STK24: variants seen among roughly 807,000 people sequenced by gnomAD.
STK24 encodes the protein serine/threonine kinase 24.
In STK24, 21 loss-of-function variants were observed where a neutral mutation model predicts 55.6. That is an observed-to-expected ratio of 0.38 (90% CI 0.27 to 0.54). STK24 has a LOEUF of 0.54. Among genes scored for constraint, STK24 ranks in the 20% least tolerant of loss-of-function variants. STK24 has a pLI of 0.79. For synonymous variants in STK24, 200 were observed against 215.2 expected (o/e 0.93, Z 0.62); for missense variants, 383 against 538.4 (o/e 0.71, Z 2.86).
At chr13:98,535,524 G>A (rs1263535808) in intron 1 of STK24, among the ~76,000 whole-genome samples, 2 of 151,850 alleles carry the variant, frequency 1.3e-5, no homozygotes, top group African/African-American at 4.8e-5. Flanking sequence ...CAAAAGCCAT[G>A]GAAAACATAC....
chr13:98,543,993 T>C (rs1896966470), intron 1 of STK24, among the ~76,000 whole-genome samples: 1 of 152,162 alleles, frequency 6.6e-6, no homozygotes, highest in Non-Finnish European at 1.5e-5. Flanking sequence ...TTTGGAGTCA[T>C]GTTAGTGGAC....
At chr13:98,576,494 CACCCCCACATCCGG>C (rs1056630117) in intron 1 of STK24, among the ~76,000 whole-genome samples, 3 of 152,074 alleles carry the variant, frequency 2.0e-5, no homozygotes, top group African/African-American at 7.2e-5. Flanking sequence ...TAGGCGCCCG[CACCCCCACATCCGG>C]ACCCAGGCCG....
rs1423351375 is a variant in STK24, at chr13:98,452,292, T to C, written c.*881A>G. The C allele has an allele frequency of 6.6e-6, 1 of 152,388 alleles. No homozygotes were observed. Among genetic ancestry groups the C allele is most frequent in the African/African-American group, 2.4e-5 (1 of 41,438 alleles). The allele number at this position is 152,388 out of a possible 1,614,324, so 9.4% of individuals were successfully genotyped here. ...CGGTACATCTGGCGCAGACCAGCAGTGGCACGATTCCAAACAAATGTCAGA... is the reference window on the plus strand; with the variant it reads ...CGGTACATCTGGCGCAGACCAGCAGCGGCACGATTCCAAACAAATGTCAGA... On this transcript the variant is annotated 3_prime_UTR_variant, in exon 11 of 11. Coordinates refer to ENST00000539966, the MANE Select transcript of STK24 (RefSeq NM_001032296.4).
chr13:98,452,514 A>C lies in STK24; in HGVS notation c.*659T>G, dbSNP rs1893248951. 6.6e-6 allele frequency: 1 copy of C among 152,650 alleles called. No homozygotes were observed. The allele number at this position is 152,650 out of a possible 1,614,324, so 9.5% of individuals were successfully genotyped here. A position where few individuals can be genotyped will look rare whatever the true frequency, so the allele number is the denominator to read the frequency against. On this transcript the variant is annotated 3_prime_UTR_variant, in exon 11 of 11. Transcript: ENST00000539966. The stretch of plus-strand genomic sequence containing the variant: ...TACAAATAGGAGTGTTCTGTAAGAG[A>C]GGGGCATTAATTATTAATGACAAAC...
At chr13:98,468,121 T>C (rs1173127634) in intron 5 of STK24, among the ~76,000 whole-genome samples, 1 of 152,206 alleles carries the variant, frequency 6.6e-6, no homozygotes, top group Non-Finnish European at 1.5e-5. Flanking sequence ...ACTTACCATG[T>C]TCCTGCAGCC....
chr13:98,516,096 G>A (rs9517335), intron 2 of STK24, among the ~76,000 whole-genome samples: 38,864 of 152,076 alleles, frequency 0.26, 5,163 homozygotes, highest in Non-Finnish European at 0.3. Context: ...CCCCTTCTGG[G>A]CCAAAGAATT....
At chr13:98,461,714 G>A (rs544355257) in intron 8 of STK24, 60 bp downstream of exon 8, 774 of 1,593,512 alleles carry the variant, frequency 4.9e-4, no homozygotes, top group Non-Finnish European at 6.0e-4. Flanking sequence ...TCACACACAA[G>A]TGCCTCCAAA....
intron 1 of STK24, 114 bp from the exon 2 acceptor site, chr13:98,519,587 T>G: frequency 3.6e-6 from 3 of 840,404 alleles, no homozygotes; most frequent in South Asian, 3.3e-5. Flanking sequence ...GACTCATCTA[T>G]TTTCTGTGTC....
In STK24 at chr13:98,569,538, G is replaced by A. The variant is rs550650270; in HGVS notation, c.42+7207C>T. On this transcript the variant is annotated intron_variant, in intron 1 of 10. Coordinates refer to ENST00000539966, the MANE Select transcript of STK24 (RefSeq NM_001032296.4). ...GTGGCACAAGAAGCATAGAAGATAC[G>A]CAGGTGACGAAAGGCACAGGTGCCA... Among the ~76,000 whole-genome samples, 4 of 152,210 alleles carry A rather than the reference G, an allele frequency of 2.6e-5. No homozygotes were observed. In the East Asian group the frequency reaches 7.7e-4, roughly 29 times the overall value.
chr13:98,502,533 T>C (rs1204160703), intron 2 of STK24, among the ~76,000 whole-genome samples: 1 of 152,198 alleles, frequency 6.6e-6, no homozygotes, highest in East Asian at 1.9e-4. Flanking sequence ...TAAGAGGTAC[T>C]TGGGTCATAA....
rs376894194 is a variant in STK24, at chr13:98,521,740, T to A, written c.43-2267A>T. ...TGAAACATACCCCGTTTTCAGCAGCTACTATCCTCGCTGCTTTCATGCCCT... is the reference window on the plus strand; with the variant it reads ...TGAAACATACCCCGTTTTCAGCAGCAACTATCCTCGCTGCTTTCATGCCCT... On this transcript the variant is annotated intron_variant, in intron 1 of 10. Transcript: ENST00000539966. 21 of 777,766 alleles carry A rather than the reference T, an allele frequency of 2.7e-5. No homozygotes were observed. In the East Asian group the frequency reaches 3.2e-4, roughly 12 times the overall value. 48.2% of individuals were successfully genotyped at this position (777,766 alleles called of 1,614,324 possible).
intron 1 of STK24, among the ~76,000 whole-genome samples, chr13:98,550,323 G>A (rs887676977): frequency 2.0e-5 from 3 of 152,180 alleles, no homozygotes; most frequent in African/African-American, 7.2e-5. Flanking sequence ...AAGATCGCGT[G>A]AGCCCAGGAG....
intron 7 of STK24, among the ~76,000 whole-genome samples, chr13:98,462,613 C>A (rs1359316534): frequency 1.3e-5 from 2 of 152,142 alleles, no homozygotes; most frequent in Non-Finnish European, 2.9e-5. Context: ...CACTCCCCCA[C>A]ATGCCCCAAC....
intron 1 of STK24, among the ~76,000 whole-genome samples, chr13:98,526,692 C>T (rs1189635568): frequency 6.6e-6 from 1 of 152,158 alleles, no homozygotes; most frequent in African/African-American, 2.4e-5. Context: ...AAATTTTATT[C>T]TGTTTTTCAA....
Position 98,463,693 on chromosome 13 carries a change from G to T in STK24, c.927C>A (p.Asp309Glu), listed in dbSNP as rs761940289. Reference protein sequence around the residue: ...SHDDSSSEDSDAETDGQASGG... With the variant: ...SHDDSSSEDSEAETDGQASGG... ...GGGTCACTCAGGGGCCGACTTACGC[G>T]TCGGAATCCTCGGAGCTCGAGTCGT... The change falls in exon 7 of 11, where the codon GAC (aspartate) becomes GAA (glutamate). Residue 309 changes from aspartate (D) to glutamate (E), a missense_variant and splice_region_variant. Physicochemically the swap from Asp to Glu is conservative, Grantham distance 45. Transcript: ENST00000539966. 4 of 1,613,372 alleles carry T rather than the reference G, an allele frequency of 2.5e-6. No homozygotes were observed. The highest frequency in any genetic ancestry group is 3.4e-6 in the Non-Finnish European group (4 of 1,179,590).
intron 5 of STK24, among the ~76,000 whole-genome samples, chr13:98,472,339 G>A (rs1414037984): frequency 6.6e-6 from 1 of 152,174 alleles, no homozygotes; most frequent in African/African-American, 2.4e-5. Context: ...GTTCAGAGTT[G>A]GAACTGGAAC....
chr13:98,475,628 C>A (rs191836175), intron 3 of STK24, among the ~76,000 whole-genome samples: 10 of 152,314 alleles, frequency 6.6e-5, no homozygotes, highest in Admixed American at 3.3e-4. Flanking sequence ...GCCCCGCCTG[C>A]GCCTGCAGCT....
chr13:98,531,079 G>A (rs1251567689), intron 1 of STK24, among the ~76,000 whole-genome samples: 1 of 152,142 alleles, frequency 6.6e-6, no homozygotes, highest in Non-Finnish European at 1.5e-5. Context: ...AAATACCCTG[G>A]AAAGCCATGT....
intron 1 of STK24, among the ~76,000 whole-genome samples, chr13:98,552,156 T>C (rs1897174133): frequency 6.6e-6 from 1 of 152,226 alleles, no homozygotes; most frequent in African/African-American, 2.4e-5. Context: ...CAATTAGTCA[T>C]GTATTGATTC....
Sources: gnomAD v4.1 joint callset for allele counts (sites outside exome capture counted in the v4.1 genomes callset) on GRCh38, gnomAD v4.1.1 for gene constraint, MANE v1.5 for transcripts, NCBI Gene and HGNC (gene_info 2026-07-23, HGNC 2026-07-21) for gene names.